Variants in PGA5 observed in about 807,000 individuals in gnomAD.
The protein encoded by PGA5 is pepsinogen A5.
PGA5 carries 19 observed loss-of-function variants against 15.9 expected under a neutral mutation model. The ratio of observed to expected loss-of-function variants is 1.19; its 90% CI spans 0.83 to 1.75. The LOEUF is 1.75. PGA5 is among the 40% of genes most tolerant of loss of function. The pLI is 0.00. For missense variants in PGA5, 224 were observed against 246.4 expected, an observed-to-expected ratio of 0.91 and a Z score of 0.61; for synonymous variants, 92 against 95.8, an observed-to-expected ratio of 0.96 and a Z score of 0.23.
rs1264106566 is a variant in PGA5, at chr11:61,250,633, A to G, written c.1018-499A>G. 87 of 459,890 alleles carry G rather than the reference A, an allele frequency of 1.9e-4. 1 individual carries two copies. Among genetic ancestry groups the G allele is most frequent in the Non-Finnish European group, 1.3e-5 (3 of 230,170 alleles). The allele number at this position is 459,890 out of a possible 1,614,324, so 28.5% of individuals were successfully genotyped here. On this transcript the variant is annotated intron_variant, in intron 8 of 8. Coordinates refer to ENST00000312403, the MANE Select transcript of PGA5 (RefSeq NM_014224.5). ...GAAGCACTGATGCCTGGGCTCCCCC[A>G]CTGATTCTGATTACATTAGGAGAGG...
chr11:61,249,787 G>C lies in PGA5; in HGVS notation c.892G>C (p.Gly298Arg). 6.2e-7 allele frequency: 1 copy of C among 1,613,620 alleles called. No individual in the cohort carries two copies. Among genetic ancestry groups the C allele is most frequent in the Non-Finnish European group, 8.5e-7 (1 of 1,179,860 alleles). Residue 298 changes from glycine (G) to arginine (R), a missense_variant, in exon 7 of 9, where the codon GGA (glycine) becomes CGA (arginine). Transcript: ENST00000312403. Reference sequence around the variant, plus strand: ...CATTGCCAACATCCAGAGCGACATCGGAGCCAGCGAGAACTCAGATGGCGA... The same window carrying C: ...CATTGCCAACATCCAGAGCGACATCCGAGCCAGCGAGAACTCAGATGGCGA... ...SPIANIQSDI[G>R]ASENSDGDMV...
chr11:61,251,380 G>A lies in PGA5; in HGVS notation c.*99G>A. The A allele has an allele frequency of 1.9e-6, 3 of 1,584,770 alleles. No individual in the cohort carries two copies. The highest frequency in any genetic ancestry group is 1.2e-5 in the South Asian group (1 of 86,566). On this transcript the variant is annotated 3_prime_UTR_variant, in exon 9 of 9. Coordinates refer to ENST00000312403, the MANE Select transcript of PGA5 (RefSeq NM_014224.5). ...TCCTGACTGTTCTTCCCAGGGGAGT[G>A]TGAAGGTCTTGGCCCTGTTCCCTGT...
Position 61,248,914 on chromosome 11 carries a change from G to A in PGA5, c.773+379G>A, listed in dbSNP as rs554775637. ...CACTCGAGGAAACATGTCACTTTCC[G>A]TCTAGAAGTGGGGCAAAATGGCTAA... On this transcript the variant is annotated intron_variant, in intron 6 of 8. Coordinates refer to ENST00000312403, the MANE Select transcript of PGA5 (RefSeq NM_014224.5). Among the ~76,000 whole-genome samples, 400 of 152,232 alleles carry A rather than the reference G, an allele frequency of 2.6e-3. 5 individuals are homozygous for A. The highest frequency in any genetic ancestry group is 9.0e-3 in the African/African-American group (374 of 41,440).
chr11:61,247,910 C>T (rs950124294), intron 5 of PGA5, among the ~76,000 whole-genome samples: 1 of 152,006 alleles, frequency 6.6e-6, no homozygotes, highest in South Asian at 2.1e-4. Context: ...GCAGCATCCC[C>T]AGCCTCTACC....
In PGA5 at chr11:61,251,234, G is replaced by T; in HGVS notation, c.1120G>T (p.Val374Phe). Residue 374 changes from valine to phenylalanine, a missense_variant, in exon 9 of 9, where the codon GTC (valine) becomes TTC (phenylalanine). Val to Phe is a conservative substitution (Grantham distance 50, BLOSUM62 -1). Coordinates refer to ENST00000312403, the MANE Select transcript of PGA5 (RefSeq NM_014224.5). ...GDVFIRQYFT[V>F]FDRANNQVGL... is the part of the protein sequence containing the mutation. ...TGTCTTCATCCGCCAGTACTTTACC[G>T]TCTTCGACAGGGCAAACAACCAGGT... 1 of 1,611,822 alleles carries T rather than the reference G, an allele frequency of 6.2e-7. No individual in the cohort carries two copies.
Position 61,251,376 on chromosome 11 carries a change from G to T in PGA5, c.*95G>T, listed in dbSNP as rs1357577100. 6.3e-7 allele frequency: 1 copy of T among 1,588,784 alleles called. No homozygotes were observed. The highest frequency in any genetic ancestry group is 1.7e-5 in the Admixed American group (1 of 58,662). On this transcript the variant is annotated 3_prime_UTR_variant, in exon 9 of 9. Coordinates refer to ENST00000312403, the MANE Select transcript of PGA5 (RefSeq NM_014224.5). ...ATTCTCCTGACTGTTCTTCCCAGGG[G>T]AGTGTGAAGGTCTTGGCCCTGTTCC...
At chr11:61,249,543 A>G in intron 6 of PGA5, 126 bp from the exon 7 acceptor site, 1 of 1,542,928 alleles carries the variant, frequency 6.5e-7, no homozygotes, top group Non-Finnish European at 8.9e-7. Context: ...GAACGAGAGG[A>G]ACAGAAATTT....
chr11:61,249,966 C>A lies in PGA5; in HGVS notation c.969C>A (p.Thr323=), dbSNP rs141863509. Reference sequence around the variant, plus strand: ...GCAGCCTGCCCGACATCGTCTTCACCATCAATGGAGTCCAGTACCCCGTGC... The same window carrying A: ...GCAGCCTGCCCGACATCGTCTTCACAATCAATGGAGTCCAGTACCCCGTGC... ...AISSLPDIVF[T]INGVQYPVPP... is the part of the protein sequence containing the mutation. Residue 323 remains threonine (T), a synonymous_variant, in exon 8 of 9, where the codon ACC becomes ACA. Transcript: ENST00000312403. 1 of 1,612,786 alleles carries A rather than the reference C, an allele frequency of 6.2e-7. No individual in the cohort carries two copies. The highest frequency in any genetic ancestry group is 1.3e-5 in the African/African-American group (1 of 74,496).
In PGA5 at chr11:61,249,655, C is replaced by T. The variant is rs772429428; in HGVS notation, c.774-14C>T. On this transcript the variant is annotated splice_polypyrimidine_tract_variant and intron_variant, in intron 6 of 8. Coordinates refer to ENST00000312403, the MANE Select transcript of PGA5 (RefSeq NM_014224.5). The stretch of plus-strand genomic sequence containing the variant: ...CTGAGGGCTCAGGGAGCTTAACTTG[C>T]TTCTTACCCTCAGCATCACCATGAA... 7 of 1,613,600 alleles carry T rather than the reference C, an allele frequency of 4.3e-6. No individual in the cohort carries two copies. In the South Asian group the frequency reaches 7.7e-5, roughly 18 times the overall value.
chr11:61,247,047 A>C (rs1247728967), intron 5 of PGA5, among the ~76,000 whole-genome samples: 1 of 152,042 alleles, frequency 6.6e-6, no homozygotes, highest in African/African-American at 2.4e-5. Flanking sequence ...GTTATGCAAG[A>C]ATACCTGAGG....
rs959780577 is a variant in PGA5, at chr11:61,251,021, C to A, written c.1018-111C>A. The A allele has an allele frequency of 1.9e-6, 3 of 1,599,808 alleles. No individual in the cohort carries two copies. In the Middle Eastern group the frequency reaches 6.8e-4, roughly 364 times the overall value. Reference sequence around the variant, plus strand: ...CCCTGGACACTGAGCCAGGAAGCTCCTCCTTGCACGTGCCTTACAGCTGGA... The same window carrying A: ...CCCTGGACACTGAGCCAGGAAGCTCATCCTTGCACGTGCCTTACAGCTGGA... On this transcript the variant is annotated intron_variant, in intron 8 of 8. Coordinates refer to ENST00000312403, the MANE Select transcript of PGA5 (RefSeq NM_014224.5).
chr11:61,248,846 A>G (rs1854101947), intron 6 of PGA5, among the ~76,000 whole-genome samples: 1 of 152,118 alleles, frequency 6.6e-6, no homozygotes, highest in South Asian at 2.1e-4. Flanking sequence ...CTGTCCACGC[A>G]TCTCACAATT....
chr11:61,250,800 A>G (rs1854130457), intron 8 of PGA5: 1 of 555,654 alleles, frequency 1.8e-6, no homozygotes, highest in Non-Finnish European at 3.4e-6. Flanking sequence ...AAGAATAATA[A>G]TGAGAAAAGG....
rs1204077188 is a variant in PGA5, at chr11:61,249,751, C to A, written c.856C>A (p.Pro286Thr). 3 of 1,613,512 alleles carry A rather than the reference C, an allele frequency of 1.9e-6. No homozygotes were observed. The highest frequency in any genetic ancestry group is 2.5e-6 in the Non-Finnish European group (3 of 1,179,878). ...VDTGTSLLTG[P>T]TSPIANIQSD... ...CACCGGCACCTCTCTGCTGACCGGC[C>A]CAACCAGCCCCATTGCCAACATCCA... The change falls in exon 7 of 9, where the codon CCA becomes ACA. Residue 286 changes from proline to threonine, a missense_variant. Physicochemically the swap from Pro to Thr is conservative, Grantham distance 38. Coordinates refer to ENST00000312403, the MANE Select transcript of PGA5 (RefSeq NM_014224.5).
At chr11:61,250,772 G>A in intron 8 of PGA5, 2 of 497,154 alleles carry the variant, frequency 4.0e-6, no homozygotes, top group Non-Finnish European at 7.8e-6. Flanking sequence ...AGCTCATCTG[G>A]TTTGTCCCTG....
chr11:61,248,354 A>G (rs759116870), intron 5 of PGA5, 65 bp from the exon 6 acceptor site: 1 of 1,613,862 alleles, frequency 6.2e-7, no homozygotes, highest in South Asian at 1.1e-5. Flanking sequence ...TGAGGAGGCA[A>G]CAGCAGATGG....
intron 5 of PGA5, 118 bp from the exon 6 acceptor site, chr11:61,248,301 C>T (rs765878893): frequency 1.2e-6 from 2 of 1,612,010 alleles, no homozygotes; most frequent in Non-Finnish European, 1.7e-6. Flanking sequence ...ACATTGGTCA[C>T]ACCCCAGGAC....
intron 6 of PGA5, among the ~76,000 whole-genome samples, chr11:61,248,835 C>A (rs1312774421): frequency 6.6e-6 from 1 of 152,140 alleles, no homozygotes; most frequent in Non-Finnish European, 1.5e-5. Flanking sequence ...GGGGGACCCA[C>A]CTGTCCACGC....
Position 61,246,097 on chromosome 11 carries a change from G to C in PGA5, c.608G>C (p.Trp203Ser). ...GCCACACCCGTCTTTGACAACATCTGGAACCAGGGCCTGGTTTCTCAGGAC... is the reference window on the plus strand; with the variant it reads ...GCCACACCCGTCTTTGACAACATCTCGAACCAGGGCCTGGTTTCTCAGGAC... ...SGATPVFDNI[W>S]NQGLVSQDLF... The change falls in exon 5 of 9, where the codon TGG becomes TCG. Residue 203 changes from tryptophan to serine, a missense_variant. Physicochemically the swap from Trp to Ser is radical, Grantham distance 177 (BLOSUM62 -3). Transcript: ENST00000312403. 2 of 440,682 alleles carry C rather than the reference G, an allele frequency of 4.5e-6. No homozygotes were observed. The highest frequency in any genetic ancestry group is 4.4e-5 in the South Asian group (2 of 45,808). The allele number at this position is 440,682 out of a possible 1,614,324, so 27.3% of individuals were successfully genotyped here.
Sources: gnomAD v4.1 joint callset for allele counts (sites outside exome capture counted in the v4.1 genomes callset) on GRCh38, gnomAD v4.1.1 for gene constraint, MANE v1.5 for transcripts, NCBI Gene and HGNC (gene_info 2026-07-23, HGNC 2026-07-21) for gene names.